The following GSE1 variants were observed in gnomAD, a reference collection of about 807,000 sequenced individuals.
GSE1 encodes the protein genetic suppressor element 1.
In GSE1, 32 loss-of-function variants were observed where a neutral mutation model predicts 112.6. The observed-to-expected ratio is 0.28, with a 90% confidence interval of 0.21 to 0.38. The LOEUF is 0.38. Ranked by LOEUF, GSE1 falls within the 10% of genes least tolerant of loss-of-function variation. GSE1 has a pLI of 1.00. For missense variants in GSE1, 2,348 were observed against 1,699.2 expected (o/e 1.38, Z -6.71); for synonymous variants, 1,115 against 735.6 (o/e 1.52, Z -8.35).
intron 2 of GSE1, among the ~76,000 whole-genome samples, chr16:85,382,145 G>T (rs1421713877): frequency 9.2e-5 from 14 of 152,212 alleles, no homozygotes; most frequent in Admixed American, 9.2e-4. Context: ...CACGCAATGT[G>T]GTTATCTCCT....
At chr16:85,572,469 ACAT>A (rs2046045907) in intron 1 of GSE1, among the ~76,000 whole-genome samples, 1 of 145,210 alleles carries the variant, frequency 6.9e-6, no homozygotes, top group Non-Finnish European at 1.5e-5. Flanking sequence ...CACACAACAC[ACAT>A]CACACACACC....
intron 1 of GSE1, among the ~76,000 whole-genome samples, chr16:85,560,410 A>G (rs968917996): frequency 3.3e-5 from 5 of 152,114 alleles, no homozygotes; most frequent in Non-Finnish European, 5.9e-5. Flanking sequence ...GGTGTGAGCC[A>G]CCGCACCTGG....
At chr16:85,554,874 A>C (rs2045120433), upstream of GSE1, 3 of 985,094 alleles carry the variant, frequency 3.0e-6, no homozygotes, top group African/African-American at 5.2e-5. Context: ...GCAGCCGCCC[A>C]CTGTTTGCAA....
At chr16:85,638,117 A>T (rs1381282937) in intron 2 of GSE1, among the ~76,000 whole-genome samples, 2 of 151,648 alleles carry the variant, frequency 1.3e-5, no homozygotes, top group African/African-American at 4.8e-5. Flanking sequence ...ACGCCTGACG[A>T]CTTCTGGAAG....
intron 1 of GSE1, among the ~76,000 whole-genome samples, chr16:85,315,713 A>G (rs2045971466): frequency 6.6e-6 from 1 of 152,242 alleles, no homozygotes; most frequent in Non-Finnish European, 1.5e-5. Flanking sequence ...CGCTTTTAGT[A>G]TAAAAGTCTA....
intron 1 of GSE1, among the ~76,000 whole-genome samples, chr16:85,235,783 G>C (rs1219868154): frequency 6.6e-6 from 1 of 151,980 alleles, no homozygotes; most frequent in African/African-American, 2.4e-5. Flanking sequence ...GTGCCAGGCG[G>C]GCGAGGCGCC....
chr16:85,507,332 G>A (rs764727404), intron 2 of GSE1, among the ~76,000 whole-genome samples: 12 of 152,118 alleles, frequency 7.9e-5, no homozygotes, highest in African/African-American at 2.7e-4. Context: ...TGTGGTAGGC[G>A]ACCCCACAAG....
chr16:85,554,754 G>T (rs1457551850), upstream of GSE1: 2 of 493,908 alleles, frequency 4.0e-6, no homozygotes, highest in African/African-American at 4.3e-5. Context: ...GCGAACTCCC[G>T]GCTCCCGCAG....
chr16:85,185,996 G>A (rs894789585), intron 1 of GSE1, among the ~76,000 whole-genome samples: 1 of 152,240 alleles, frequency 6.6e-6, no homozygotes, highest in African/African-American at 2.4e-5. Flanking sequence ...CTTACTGTGT[G>A]CCAGATGAGA....
chr16:85,189,037 C>T (rs2074768417), intron 1 of GSE1, among the ~76,000 whole-genome samples: 1 of 152,202 alleles, frequency 6.6e-6, no homozygotes, highest in African/African-American at 2.4e-5. Context: ...TTTCCCTGCA[C>T]ACGCTCCAGT....
At chr16:85,397,388 C>T (rs1039337309) in intron 2 of GSE1, among the ~76,000 whole-genome samples, 1 of 152,360 alleles carries the variant, frequency 6.6e-6, no homozygotes, top group East Asian at 1.9e-4. Context: ...CCGTCTCCTG[C>T]GGGCGGTGTG....
chr16:85,308,930 T>G (rs2045753871), intron 1 of GSE1, among the ~76,000 whole-genome samples: 1 of 149,068 alleles, frequency 6.7e-6, no homozygotes, highest in Admixed American at 6.8e-5. Flanking sequence ...GACTTGGGGC[T>G]TTTCAGAAGC....
chr16:85,462,312 G>T lies in GSE1; in HGVS notation c.2464+104669G>T, dbSNP rs114827727. Among the ~76,000 whole-genome samples the T allele has an allele frequency of 6.6e-3, 1,002 of 152,152 alleles. 13 individuals carry two copies. Among genetic ancestry groups the T allele is most frequent in the African/African-American group, 0.023 (953 of 41,524 alleles). On this transcript the variant is annotated intron_variant, in intron 2 of 2. Coordinates refer to the GSE1 transcript ENST00000637419. ...AGGTCGTCTGGTAGGGAGGTGTCCT[G>T]TGGCCGCCACCTGGCTTTTGCTGGG...
At chr16:85,194,973 T>C (rs917853048) in intron 1 of GSE1, among the ~76,000 whole-genome samples, 6 of 152,000 alleles carry the variant, frequency 3.9e-5, no homozygotes, top group Non-Finnish European at 8.8e-5. Context: ...GCCAGTAGCT[T>C]TCAGATCATC....
intron 1 of GSE1, among the ~76,000 whole-genome samples, chr16:85,266,113 C>G (rs1908215778): frequency 1.3e-5 from 2 of 152,084 alleles, no homozygotes; most frequent in South Asian, 4.1e-4. Context: ...GCCCGAGGCT[C>G]CCCAGGGAGG....
intron 2 of GSE1, among the ~76,000 whole-genome samples, chr16:85,492,135 C>T (rs1041336158): frequency 1.4e-4 from 21 of 152,212 alleles, no homozygotes; most frequent in Admixed American, 1.4e-3. Context: ...CCGGAGCCTC[C>T]GGTTGACTTG....
chr16:85,386,429 G>C (rs1027861298), intron 2 of GSE1, among the ~76,000 whole-genome samples: 2 of 152,202 alleles, frequency 1.3e-5, no homozygotes, highest in Admixed American at 1.3e-4. Flanking sequence ...AAGATATGAC[G>C]TAACGCACGG....
Position 85,341,464 on chromosome 16 carries a change from C to G in GSE1, c.2284-15999C>G, listed in dbSNP as rs201458443. On this transcript the variant is annotated intron_variant, in intron 1 of 2. Transcript: ENST00000637419. ...CTTGAGGTTAGGAGTTTGAGACCAGCCTGGCCAACATGATGAAACCCCGTC... is the reference window on the plus strand; with the variant it reads ...CTTGAGGTTAGGAGTTTGAGACCAGGCTGGCCAACATGATGAAACCCCGTC... 8.5e-5 allele frequency among the ~76,000 whole-genome samples: 13 copies of G among 152,128 alleles called. No individual in the cohort carries two copies. In the East Asian group the frequency reaches 2.5e-3, roughly 29 times the overall value.
At chr16:85,587,545 C>G (rs1200709046) in intron 1 of GSE1, among the ~76,000 whole-genome samples, 2 of 152,094 alleles carry the variant, frequency 1.3e-5, no homozygotes. Flanking sequence ...TTCACACCTT[C>G]GGCCTAGGTA....
Sources: allele counts gnomAD v4.1 joint callset (sites outside exome capture counted in the v4.1 genomes callset), GRCh38; gene constraint gnomAD v4.1.1; transcripts MANE v1.5; gene names NCBI Gene and HGNC (gene_info 2026-07-23, HGNC 2026-07-21).